ZNF839: variants seen among roughly 807,000 people sequenced by gnomAD.
The protein encoded by ZNF839 is zinc finger protein 839, also known as renal carcinoma antigen NY-REN-50.
A neutral mutation model predicts 56.4 loss-of-function variants in ZNF839; 38 were observed. The observed-to-expected ratio is 0.67, with a 90% CI of 0.52 to 0.88. ZNF839 has a LOEUF of 0.88. Among genes scored for constraint, ZNF839 ranks in the 40% least tolerant of loss-of-function variants. ZNF839 has a pLI of 0.00. For synonymous variants in ZNF839, 486 were observed against 493.5 expected, an observed-to-expected ratio of 0.98 and a Z score of 0.20; for missense variants, 1,091 against 1,177.6, an observed-to-expected ratio of 0.93 and a Z score of 1.08.
chr14:102,331,654 G>A lies in ZNF839; in HGVS notation c.1224G>A (p.Leu408=). The A allele has an allele frequency of 6.2e-7, 1 of 1,612,578 alleles. No individual in the cohort carries two copies. Among genetic ancestry groups the A allele is most frequent in the Non-Finnish European group, 8.5e-7 (1 of 1,179,266 alleles). Residue 408 remains leucine, a synonymous_variant, in exon 3 of 8, where the codon TTG becomes TTA. Transcript: ENST00000442396. ...NGQSVDVEET[L]PSEPENGALL... ...AGTCTGTAGACGTTGAAGAGACATT[G>A]CCATCTGAACCAGAAAATGGAGCTC...
intron 3 of ZNF839, 92 bp downstream of exon 3, chr14:102,331,938 C>T: frequency 9.6e-7 from 1 of 1,041,582 alleles, no homozygotes; most frequent in Non-Finnish European, 1.4e-6. Context: ...AAGCAGTTCA[C>T]CTGAAATGTC....
rs959999154 is a variant in ZNF839, at chr14:102,319,830, C to G, written c.65C>G (p.Ala22Gly). ...GATGGCGGCGGCGGCGGCGGCCCGGCTCCTCCGGGCCAGAGCGGCAGCGTC... is the reference window on the plus strand; with the variant it reads ...GATGGCGGCGGCGGCGGCGGCCCGGGTCCTCCGGGCCAGAGCGGCAGCGTC... ...SEDGGGGGGP[A>G]PPGQSGSVAR... Residue 22 changes from alanine to glycine, a missense_variant, in exon 1 of 8, where the codon GCT (alanine) becomes GGT (glycine). This residue lies in a region of ZNF839 where 614 missense variants were observed against 629.2 expected (regional missense o/e 0.98). Coordinates refer to ENST00000442396, the MANE Select transcript of ZNF839 (RefSeq NM_018335.6). This position sits in a 1 kb window ranked among gnomAD's most constrained non-coding sequence, Gnocchi z 4.5. 8.1e-7 allele frequency: 1 copy of G among 1,233,314 alleles called. No individual in the cohort carries two copies. Among genetic ancestry groups the G allele is most frequent in the Non-Finnish European group, 1.0e-6 (1 of 989,440 alleles). The allele number at this position is 1,233,314 out of a possible 1,614,324, so 76.4% of individuals were successfully genotyped here.
In ZNF839 at chr14:102,334,649, G is replaced by A. The variant is rs764920972; in HGVS notation, c.1509+3G>A. 1.8e-5 allele frequency: 28 copies of A among 1,595,480 alleles called. No homozygotes were observed. Among genetic ancestry groups the A allele is most frequent in the Non-Finnish European group, 2.1e-5 (25 of 1,164,566 alleles). On this transcript the variant is annotated splice_donor_region_variant and intron_variant, in intron 4 of 7. Coordinates refer to ENST00000442396, the MANE Select transcript of ZNF839 (RefSeq NM_018335.6). ...TGTATGAGTTTCTTCTGATGAAGGT[G>A]AGTACTCTTAGTGTTTCTAAATGAT...
chr14:102,338,979 G>C (rs1567297525), intron 6 of ZNF839, 26 bp downstream of exon 6: 1 of 1,613,982 alleles, frequency 6.2e-7, no homozygotes, highest in East Asian at 2.2e-5. Context: ...GTGGGTGCCA[G>C]GTGACTGTGC....
intron 5 of ZNF839, 94 bp from the exon 6 acceptor site, chr14:102,338,722 T>C: frequency 6.5e-7 from 1 of 1,549,580 alleles, no homozygotes; most frequent in Non-Finnish European, 8.8e-7. Flanking sequence ...GTAGATTTAA[T>C]TCTATGAAGT....
At chr14:102,319,734 C>T (rs1311735434), upstream of ZNF839, 4 of 1,227,166 alleles carry the variant, frequency 3.3e-6, no homozygotes, top group Non-Finnish European at 4.1e-6. The surrounding 1 kb of genome is among the most constrained non-coding windows in gnomAD (Gnocchi z 4.5). Context: ...CGTCGCTCAG[C>T]GACCCGGGTT....
chr14:102,338,020 C>T (rs1276042202), intron 5 of ZNF839, among the ~76,000 whole-genome samples: 1 of 152,182 alleles, frequency 6.6e-6, no homozygotes, highest in East Asian at 1.9e-4. Flanking sequence ...CAAGATCACC[C>T]AGGCCATGGG....
intron 2 of ZNF839, among the ~76,000 whole-genome samples, chr14:102,327,711 A>C (rs2073493750): frequency 6.6e-6 from 1 of 152,226 alleles, no homozygotes; most frequent in African/African-American, 2.4e-5. Context: ...TAGCGGGACC[A>C]GAATCACTCT....
chr14:102,338,949 G>T lies in ZNF839; in HGVS notation c.1793G>T (p.Arg598Leu), dbSNP rs371985656. The change falls in exon 6 of 8, where the codon CGT becomes CTT. Residue 598 changes from arginine (R) to leucine (L), a missense_variant. Around this residue, in one of 3 missense-constraint regions of ZNF839, gnomAD observed 431 missense variants for 468.0 expected, o/e 0.92. Transcript: ENST00000442396. ...LEGASSEKRE[R>L]EAAEEGLASV... The stretch of plus-strand genomic sequence containing the variant: ...GGAGCTAGCAGCGAGAAGAGGGAAC[G>T]TGAGGTGGGCATGGCTGAAGTGGGT... 45 of 1,613,908 alleles carry T rather than the reference G, an allele frequency of 2.8e-5. No individual in the cohort carries two copies. Among genetic ancestry groups the T allele is most frequent in the Non-Finnish European group, 3.6e-5 (43 of 1,179,908 alleles).
intron 1 of ZNF839, among the ~76,000 whole-genome samples, chr14:102,323,925 GAAGTA>G (rs1441750940): frequency 6.6e-6 from 1 of 152,146 alleles, no homozygotes. Flanking sequence ...GAAGCAAAAT[GAAGTA>G]AAGAAACCCA....
chr14:102,321,908 G>C (rs951733900), intron 1 of ZNF839, among the ~76,000 whole-genome samples: 6 of 152,088 alleles, frequency 3.9e-5, no homozygotes, highest in Non-Finnish European at 7.4e-5. Context: ...TGTTCGCTGT[G>C]GGGGTGGTGT....
chr14:102,323,210 A>G (rs2073226944), intron 1 of ZNF839, among the ~76,000 whole-genome samples: 2 of 152,240 alleles, frequency 1.3e-5, no homozygotes, highest in South Asian at 4.1e-4. Flanking sequence ...GCACTTGGCA[A>G]TGTCTTCATT....
chr14:102,334,147 C>T (rs561792117), intron 3 of ZNF839, among the ~76,000 whole-genome samples: 1 of 152,358 alleles, frequency 6.6e-6, no homozygotes, highest in South Asian at 2.1e-4. Flanking sequence ...GAAGGAAATC[C>T]AAACCTTGGC....
rs996652518 is a variant in ZNF839, at chr14:102,337,782, C to T, written c.1660-1034C>T. ...TTTCTCCTTTAACCTTGTTCTGCCGCCCTTCCTGCCGTGCCCACCCCCATC... is the reference window on the plus strand; with the variant it reads ...TTTCTCCTTTAACCTTGTTCTGCCGTCCTTCCTGCCGTGCCCACCCCCATC... On this transcript the variant is annotated intron_variant, in intron 5 of 7. Transcript: ENST00000442396. The T allele has an allele frequency of 3.3e-5, 5 of 152,316 alleles. No homozygotes were observed. In the East Asian group the frequency reaches 5.8e-4, roughly 18 times the overall value. 9.4% of individuals were successfully genotyped at this position (152,316 alleles called of 1,614,324 possible).
chr14:102,336,045 G>A (rs1296986019), intron 5 of ZNF839, among the ~76,000 whole-genome samples: 1 of 152,118 alleles, frequency 6.6e-6, no homozygotes, highest in Non-Finnish European at 1.5e-5. Flanking sequence ...TGGGCGTGGT[G>A]GCACATGCCT....
In ZNF839 at chr14:102,342,283, A is replaced by C; in HGVS notation, c.*104A>C. 7.1e-7 allele frequency: 1 copy of C among 1,415,084 alleles called. No homozygotes were observed. Among genetic ancestry groups the C allele is most frequent in the Non-Finnish European group, 9.5e-7 (1 of 1,047,954 alleles). 87.7% of individuals were successfully genotyped at this position (1,415,084 alleles called of 1,614,324 possible). A position where few individuals can be genotyped will look rare whatever the true frequency, so the allele number is the denominator to read the frequency against. On this transcript the variant is annotated 3_prime_UTR_variant, in exon 8 of 8. Coordinates refer to ENST00000442396, the MANE Select transcript of ZNF839 (RefSeq NM_018335.6). ...AGATTCGTCTGATTTTATCCAGAGA[A>C]GGTCTATGGCAAGCAATGTATATTT...
In ZNF839 at chr14:102,328,284, G is replaced by A. The variant is rs372131027; in HGVS notation, c.1191+1397G>A. Among the ~76,000 whole-genome samples the A allele has an allele frequency of 2.7e-4, 39 of 145,596 alleles. 1 individual carries two copies. The highest frequency in any genetic ancestry group is 9.1e-4 in the African/African-American group (36 of 39,346). On this transcript the variant is annotated intron_variant, in intron 2 of 7. Transcript: ENST00000442396. ...CAGGAGATTTGCTTGAACTTGTGAG[G>A]TGGAGGTTGCAGTGAGCCGAGATCA...
At chr14:102,339,063 T>C (rs1262781265) in intron 6 of ZNF839, 31 bp from the exon 7 acceptor site, 2 of 1,613,742 alleles carry the variant, frequency 1.2e-6, no homozygotes, top group Non-Finnish European at 1.7e-6. Flanking sequence ...TATTCCTTCC[T>C]ATTCTAGCTG....
chr14:102,337,760 C>T (rs923943973), intron 5 of ZNF839: 1 of 152,270 alleles, frequency 6.6e-6, no homozygotes, highest in Non-Finnish European at 1.5e-5. Flanking sequence ...GGCCCGTTTT[C>T]TCCTTTAACC....
Sources: gnomAD v4.1 joint callset for allele counts (sites outside exome capture counted in the v4.1 genomes callset) on GRCh38, gnomAD v4.1.1 for gene constraint, gnomAD v4.1.1 regional missense constraint, Gnocchi (gnomAD v3.1) non-coding constraint, MANE v1.5 for transcripts, NCBI Gene and HGNC (gene_info 2026-07-23, HGNC 2026-07-21) for gene names.